QRICH2: variants seen among roughly 807,000 people sequenced by gnomAD.
QRICH2 encodes glutamine-rich protein 2.
Under a neutral mutation model 168.3 loss-of-function variants are expected in QRICH2, and 119 were observed. That is an observed-to-expected ratio of 0.71 (90% CI 0.61 to 0.82). QRICH2 has a LOEUF of 0.82. QRICH2 is among the 40% of genes least tolerant of loss of function. The pLI, the probability that QRICH2 is intolerant of heterozygous loss-of-function variation, is 0.00. For synonymous variants in QRICH2, 894 were observed against 951.2 expected (o/e 0.94, Z 1.11); for missense variants, 2,241 against 2,491.6 (o/e 0.90, Z 2.14).
At chr17:76,287,450 G>A in intron 6 of QRICH2, 144 bp from the exon 7 acceptor site, 1 of 679,632 alleles carries the variant, frequency 1.5e-6, no homozygotes, top group East Asian at 2.7e-5. Flanking sequence ...TGTCTAGGGA[G>A]TCCCGGGCTA....
Position 76,307,992 on chromosome 17 carries a change from G to C in QRICH2, c.7C>G (p.Pro3Ala), listed in dbSNP as rs923290198. 1 of 1,232,944 alleles carries C rather than the reference G, an allele frequency of 8.1e-7. No homozygotes were observed. Among genetic ancestry groups the C allele is most frequent in the Non-Finnish European group, 1.0e-6 (1 of 988,400 alleles). The allele number at this position is 1,232,944 out of a possible 1,614,324, so 76.4% of individuals were successfully genotyped here. MP[P>A]ATTVSLRELA... Reference sequence around the variant, plus strand: ...TCCCGGAGGGAGACCGTGGTCGCGGGCGGCATCGTGGCTGTCAGGAGCTGT... The same window carrying C: ...TCCCGGAGGGAGACCGTGGTCGCGGCCGGCATCGTGGCTGTCAGGAGCTGT... The change falls in exon 1 of 19, where the codon CCC becomes GCC. Residue 3 changes from proline (P) to alanine (A), a missense_variant. By Grantham distance (27) the Pro-to-Ala change is conservative. Around this residue, in one of 3 missense-constraint regions of QRICH2, gnomAD observed 2,047 missense variants for 2,303.8 expected, o/e 0.89. Coordinates refer to ENST00000680821, the MANE Select transcript of QRICH2 (RefSeq NM_001388453.1). This position sits in a 1 kb window ranked among gnomAD's most constrained non-coding sequence, Gnocchi z 5.3.
chr17:76,308,281 C>T (rs1466082602), upstream of QRICH2: 1 of 985,284 alleles, frequency 1.0e-6, no homozygotes, highest in African/African-American at 1.7e-5. Flanking sequence ...ACGTTTGAAA[C>T]GTGGGGGCCC....
At chr17:76,286,500 G>T (rs529276330) in intron 7 of QRICH2, among the ~76,000 whole-genome samples, 1 of 152,338 alleles carries the variant, frequency 6.6e-6, no homozygotes, top group East Asian at 1.9e-4. Context: ...AGGGACAGAA[G>T]GGAACAGGGA....
chr17:76,307,633 G>A lies in QRICH2; in HGVS notation c.366C>T (p.Gly122=). The A allele has an allele frequency of 1.3e-6, 2 of 1,507,848 alleles. No individual in the cohort carries two copies. Among genetic ancestry groups the A allele is most frequent in the Non-Finnish European group, 1.8e-6 (2 of 1,122,904 alleles). The allele number at this position is 1,507,848 out of a possible 1,614,324, so 93.4% of individuals were successfully genotyped here. A position where few individuals can be genotyped will look rare whatever the true frequency, so the allele number is the denominator to read the frequency against. The change falls in exon 1 of 19, where the codon GGC becomes GGT. Residue 122 remains glycine (G), a synonymous_variant. Transcript: ENST00000680821. The surrounding 1 kb of genome is among the most constrained non-coding windows in gnomAD (Gnocchi z 5.3). The stretch of plus-strand genomic sequence containing the variant: ...CGTGCGTGGCGATGCCCTGCACCTG[G>A]CCGTCCACACGCTTGAGCTGCTTGC... ...DLSKQLKRVD[G]QVQGIATHVQ... is the part of the protein sequence containing the mutation.
Position 76,292,782 on chromosome 17 carries a change from C to T in QRICH2, c.1945G>A (p.Asp649Asn). 2 of 1,613,836 alleles carry T rather than the reference C, an allele frequency of 1.2e-6. No homozygotes were observed. The highest frequency in any genetic ancestry group is 1.7e-6 in the Non-Finnish European group (2 of 1,180,002). ...TGACCTGTGCCAGATTGGACCAAAT[C>T]ATGCTGACCTGTGCCAGGCTGGATC... is the stretch of plus-strand genomic sequence containing the variant. ...GLIQPGTGQH[D>N]LVQSGTGQGV... The change falls in exon 4 of 19, where the codon GAT (aspartate) becomes AAT (asparagine). Residue 649 changes from aspartate (D) to asparagine (N), a missense_variant. By Grantham distance (23) the Asp-to-Asn change is conservative. This residue lies in a region of QRICH2 where 2,047 missense variants were observed against 2,303.8 expected (regional missense o/e 0.89). Transcript: ENST00000680821.
At chr17:76,296,271 A>C (rs1598498032) in intron 3 of QRICH2, among the ~76,000 whole-genome samples, 1 of 152,188 alleles carries the variant, frequency 6.6e-6, no homozygotes, top group Non-Finnish European at 1.5e-5. Flanking sequence ...GGTTTCCTAC[A>C]TACTGGATAT....
rs757345505 is a variant in QRICH2, at chr17:76,304,467, G to A, written c.653C>T (p.Thr218Ile). 3 of 1,613,832 alleles carry A rather than the reference G, an allele frequency of 1.9e-6. No homozygotes were observed. The highest frequency in any genetic ancestry group is 2.5e-6 in the Non-Finnish European group (3 of 1,180,012). Reference sequence around the variant, plus strand: ...AATCGCCTGCTCCAGCTCTTCCCAGGTGACCATGGTGACTTCTTCTGCACC... The same window carrying A: ...AATCGCCTGCTCCAGCTCTTCCCAGATGACCATGGTGACTTCTTCTGCACC... Reference protein sequence around the residue: ...VPGAEEVTMVTWEELEQAITD... With the variant: ...VPGAEEVTMVIWEELEQAITD... The change falls in exon 3 of 19, where the codon ACC (threonine) becomes ATC (isoleucine). Residue 218 changes from threonine (T) to isoleucine (I), a missense_variant. Thr to Ile is a moderately conservative substitution (Grantham distance 89, BLOSUM62 -1). Transcript: ENST00000680821.
chr17:76,282,107 C>G lies in QRICH2; in HGVS notation c.4020G>C (p.Lys1340Asn). Reference protein sequence around the residue: ...ASLYLQDQLDKLRMIIESMLT... With the variant: ...ASLYLQDQLDNLRMIIESMLT... The stretch of plus-strand genomic sequence containing the variant: ...GCATGCTCTCAATGATCATCCTGAG[C>G]TTGTCCAACTGCGTGCAGGAGAGAC... Residue 1340 changes from lysine (K) to asparagine (N), a missense_variant, in exon 8 of 19, where the codon AAG (lysine) becomes AAC (asparagine). By Grantham distance (94) the Lys-to-Asn change is moderately conservative. This residue lies in a region of QRICH2 where 2,047 missense variants were observed against 2,303.8 expected (regional missense o/e 0.89). Transcript: ENST00000680821. 1 of 1,603,334 alleles carries G rather than the reference C, an allele frequency of 6.2e-7. No individual in the cohort carries two copies. The highest frequency in any genetic ancestry group is 8.5e-7 in the Non-Finnish European group (1 of 1,171,634).
At chr17:76,284,589 C>A (rs529742286) in intron 7 of QRICH2, among the ~76,000 whole-genome samples, 69 of 151,624 alleles carry the variant, frequency 4.6e-4, no homozygotes, top group African/African-American at 1.7e-3. Flanking sequence ...GAGACCGAGG[C>A]GGGTGGATCA....
chr17:76,288,772 G>C (rs1052527047), intron 5 of QRICH2, among the ~76,000 whole-genome samples: 3 of 151,694 alleles, frequency 2.0e-5, no homozygotes, highest in African/African-American at 4.8e-5. Context: ...TCTGGCCCCA[G>C]AAAATCCACA....
At chr17:76,284,799 A>T (rs2070852095) in intron 7 of QRICH2, among the ~76,000 whole-genome samples, 1 of 151,594 alleles carries the variant, frequency 6.6e-6, no homozygotes, top group South Asian at 2.1e-4. Flanking sequence ...GCCTGACAAC[A>T]GAGTGAGACT....
At chr17:76,298,762 C>G (rs2070846750) in intron 3 of QRICH2, among the ~76,000 whole-genome samples, 1 of 152,078 alleles carries the variant, frequency 6.6e-6, no homozygotes, top group African/African-American at 2.4e-5. Flanking sequence ...ATTACAGGCG[C>G]ATGCCACCAC....
chr17:76,292,922 C>G lies in QRICH2; in HGVS notation c.1805G>C (p.Arg602Pro), dbSNP rs868462834. ...QPGADQRGLV[R>P]PGMDQSGLAQ... is the part of the protein sequence containing the mutation. ...CAAACCAGACTGATCCATTCCAGGC[C>G]GGACCAAACCACGCTGATCTGCACC... The change falls in exon 4 of 19, where the codon CGG (arginine) becomes CCG (proline). Residue 602 changes from arginine (R) to proline (P), a missense_variant. Arg to Pro is a moderately radical substitution (Grantham distance 103). Transcript: ENST00000680821. 8 of 1,492,082 alleles carry G rather than the reference C, an allele frequency of 5.4e-6. No homozygotes were observed. The highest frequency in any genetic ancestry group is 7.1e-6 in the Non-Finnish European group (8 of 1,120,652). The allele number at this position is 1,492,082 out of a possible 1,614,324, so 92.4% of individuals were successfully genotyped here. A position where few individuals can be genotyped will look rare whatever the true frequency, so the allele number is the denominator to read the frequency against.
Position 76,275,922 on chromosome 17 carries a change from G to C in QRICH2, c.5379C>G (p.Ser1793=), listed in dbSNP as rs780812574. 6.2e-7 allele frequency: 1 copy of C among 1,608,720 alleles called. No homozygotes were observed. The change falls in exon 18 of 19, where the codon TCC becomes TCG. Residue 1793 remains serine (S), a synonymous_variant. Transcript: ENST00000680821. ...TGTGCACGTGGGGCCTGGGCTGCTG[G>C]GACTTGCGCTTTGAGGTCCCTGAGC... ...KDSSGTSKRK[S]QQPRPHVHRP...
At chr17:76,279,271 T>A in intron 13 of QRICH2, 92 bp downstream of exon 13, 1 of 1,353,078 alleles carries the variant, frequency 7.4e-7, no homozygotes, top group Non-Finnish European at 1.0e-6. Flanking sequence ...AGCAGACACA[T>A]GAAAGAAAGG....
chr17:76,276,353 C>T (rs2070679196), intron 17 of QRICH2, among the ~76,000 whole-genome samples: 1 of 152,186 alleles, frequency 6.6e-6, no homozygotes, highest in African/African-American at 2.4e-5. Flanking sequence ...GCAGAGGGCA[C>T]TGTGCTGAGT....
chr17:76,285,900 C>A (rs545345067), intron 7 of QRICH2, among the ~76,000 whole-genome samples: 2 of 151,536 alleles, frequency 1.3e-5, no homozygotes, highest in Non-Finnish European at 1.5e-5. Flanking sequence ...TGGCCAGGTG[C>A]GGTGGCTCAC....
At chr17:76,304,733 G>A in intron 2 of QRICH2, 149 bp downstream of exon 2, 2 of 764,922 alleles carry the variant, frequency 2.6e-6, no homozygotes, top group Non-Finnish European at 4.6e-6. Context: ...CAGGGCTGGG[G>A]CAGATTTCCC....
In QRICH2 at chr17:76,277,198, G is replaced by C; in HGVS notation, c.5230C>G (p.Leu1744Val). 6.2e-7 allele frequency: 1 copy of C among 1,602,980 alleles called. No homozygotes were observed. The highest frequency in any genetic ancestry group is 2.3e-5 in the East Asian group (1 of 43,916). The change falls in exon 16 of 19, where the codon CTG becomes GTG. Residue 1744 changes from leucine to valine, a missense_variant. Coordinates refer to ENST00000680821, the MANE Select transcript of QRICH2 (RefSeq NM_001388453.1). ...RSRPQHLPRG[L>V]YPTEEIQIAM... ...ATCTGGATCTCTTCAGTAGGATACA[G>C]GCCCCGGGGAAGGTGCTGCGGGCGG...
Sources: allele counts gnomAD v4.1 joint callset (sites outside exome capture counted in the v4.1 genomes callset), GRCh38; gene constraint gnomAD v4.1.1; regional missense constraint gnomAD v4.1.1; non-coding constraint Gnocchi (gnomAD v3.1); transcripts MANE v1.5; gene names NCBI Gene and HGNC (gene_info 2026-07-23, HGNC 2026-07-21).